The following MFN1 variants were observed in gnomAD, a reference collection of about 807,000 sequenced individuals.
MFN1 encodes the protein mitofusin 1, also known as mitofusin-1.
In MFN1, 65 loss-of-function variants were observed where a neutral mutation model predicts 92.4. The observed-to-expected ratio is 0.70, with a 90% CI of 0.58 to 0.86. The LOEUF is 0.86. Ranked by LOEUF, MFN1 falls within the 40% of genes least tolerant of loss-of-function variation. The probability of loss-of-function intolerance (pLI) is 0.00; values close to 1 mark genes in which losing one functional copy is unlikely to be tolerated. For missense variants in MFN1, 781 were observed against 868.0 expected, an observed-to-expected ratio of 0.90 and a Z score of 1.26; for synonymous variants, 297 against 300.9, an observed-to-expected ratio of 0.99 and a Z score of 0.13.
chr3:179,392,901 T>C lies in MFN1; in HGVS notation c.*842T>C, dbSNP rs1018784285. On this transcript the variant is annotated 3_prime_UTR_variant, in exon 18 of 18. Transcript: ENST00000471841. ...TGGATTATACCCCATTGGAGGCTTT[T>C]AATTTTATTTGTATGAATTTTCCAG... 6.6e-6 allele frequency: 1 copy of C among 152,106 alleles called. No individual in the cohort carries two copies. The highest frequency in any genetic ancestry group is 2.4e-5 in the African/African-American group (1 of 41,334). 9.4% of individuals were successfully genotyped at this position (152,106 alleles called of 1,614,324 possible). A position where few individuals can be genotyped will look rare whatever the true frequency, so the allele number is the denominator to read the frequency against.
At chr3:179,377,596 T>G (rs1333667121) in intron 12 of MFN1, 148 bp downstream of exon 12, 3 of 519,832 alleles carry the variant, frequency 5.8e-6, no homozygotes, top group Non-Finnish European at 1.0e-5. Context: ...GTAAACTGTC[T>G]TGTATAAAAA....
In MFN1 at chr3:179,365,327, T is replaced by C. The variant is rs907031627; in HGVS notation, c.753+102T>C. The C allele has an allele frequency of 1.0e-5, 7 of 669,842 alleles. No homozygotes were observed. The African/African-American group carries it at 1.3e-4, about 13-fold the overall frequency. The allele number at this position is 669,842 out of a possible 1,614,324, so 41.5% of individuals were successfully genotyped here. A position where few individuals can be genotyped will look rare whatever the true frequency, so the allele number is the denominator to read the frequency against. On this transcript the variant is annotated intron_variant, in intron 7 of 17. Coordinates refer to ENST00000471841, the MANE Select transcript of MFN1 (RefSeq NM_033540.3). ...ATAGAATAGAAAATTATAAGAGCTA[T>C]TCCATGAAAAGAAGATAGTTAGAGA... is the stretch of plus-strand genomic sequence containing the variant.
intron 9 of MFN1, among the ~76,000 whole-genome samples, chr3:179,369,398 A>T (rs1164282374): frequency 1.3e-5 from 2 of 152,004 alleles, no homozygotes; most frequent in African/African-American, 2.4e-5. Context: ...GATCTATTCT[A>T]CTTCCTTGTC....
At chr3:179,356,732 C>G (rs1471181630) in intron 3 of MFN1, among the ~76,000 whole-genome samples, 1 of 151,876 alleles carries the variant, frequency 6.6e-6, no homozygotes, top group Non-Finnish European at 1.5e-5. Flanking sequence ...AGTCTTGATT[C>G]TTTAGGTTCA....
intron 2 of MFN1, 140 bp downstream of exon 2, chr3:179,349,103 T>G (rs1337783862): frequency 3.6e-6 from 2 of 555,754 alleles, no homozygotes; most frequent in Non-Finnish European, 5.8e-6. Flanking sequence ...TAAAACCCCT[T>G]TCTAACCTCC....
intron 3 of MFN1, among the ~76,000 whole-genome samples, chr3:179,357,305 T>C (rs540987916): frequency 2.6e-5 from 4 of 152,334 alleles, no homozygotes; most frequent in African/African-American, 9.6e-5. Flanking sequence ...GCCATATTTC[T>C]GTCCAGACCC....
chr3:179,349,275 CA>C (rs1166073807), intron 2 of MFN1, among the ~76,000 whole-genome samples: 1 of 152,052 alleles, frequency 6.6e-6, no homozygotes, highest in East Asian at 1.9e-4. Flanking sequence ...GAGACGAAGT[CA>C]AAGAAAAGTT....
chr3:179,348,995 C>T (rs142968796), intron 2 of MFN1, 32 bp downstream of exon 2: 21,952 of 1,539,162 alleles, frequency 0.014, 716 homozygotes, highest in South Asian at 0.11. Context: ...AAAGTAATTA[C>T]TGTTGAAAAT....
At chr3:179,355,343 G>T (rs940061769) in intron 3 of MFN1, among the ~76,000 whole-genome samples, 1 of 152,070 alleles carries the variant, frequency 6.6e-6, no homozygotes, top group African/African-American at 2.4e-5. Flanking sequence ...CATCTCCTGG[G>T]AATGCAGCCC....
chr3:179,372,889 TAA>T (rs1713080998), intron 9 of MFN1, among the ~76,000 whole-genome samples: 1 of 152,234 alleles, frequency 6.6e-6, no homozygotes, highest in South Asian at 2.1e-4. Context: ...TTATTTAAAA[TAA>T]AGTCAATGCA....
intron 3 of MFN1, among the ~76,000 whole-genome samples, chr3:179,358,414 A>G (rs1177281463): frequency 6.6e-6 from 1 of 152,136 alleles, no homozygotes; most frequent in East Asian, 1.9e-4. Flanking sequence ...TGGCTTCCCA[A>G]AGTGCTGGGA....
At chr3:179,376,885 A>G (rs537262154) in intron 10 of MFN1, 157 bp from the exon 11 acceptor site, 3 of 602,102 alleles carry the variant, frequency 5.0e-6, no homozygotes, top group East Asian at 3.1e-5. Flanking sequence ...AAAATACTTT[A>G]TAAGTGAAAT....
Position 179,386,544 on chromosome 3 carries a change from A to C in MFN1, c.1927A>C (p.Lys643Gln), listed in dbSNP as rs1489837597. 2 of 1,614,036 alleles carry C rather than the reference A, an allele frequency of 1.2e-6. No homozygotes were observed. Among genetic ancestry groups the C allele is most frequent in the Non-Finnish European group, 1.7e-6 (2 of 1,180,008 alleles). ...CACCCATGCCAAGGAGCGAGCCTTT[A>C]AACAGCAGTTTGTAAACTATGCAAC... ...WTTHAKERAF[K>Q]QQFVNYATEK... Residue 643 changes from lysine (K) to glutamine (Q), a missense_variant, in exon 16 of 18, where the codon AAA becomes CAA. Coordinates refer to ENST00000471841, the MANE Select transcript of MFN1 (RefSeq NM_033540.3).
chr3:179,359,300 TA>T (rs1462173975), intron 4 of MFN1, among the ~76,000 whole-genome samples: 2 of 151,250 alleles, frequency 1.3e-5, no homozygotes, highest in Non-Finnish European at 3.0e-5. Context: ...TTTGTATTTT[TA>T]GTAGAGATGG....
At chr3:179,368,491 G>T (rs921264826) in intron 9 of MFN1, among the ~76,000 whole-genome samples, 1 of 152,098 alleles carries the variant, frequency 6.6e-6, no homozygotes, top group Non-Finnish European at 1.5e-5. Context: ...ACTTTGTGCC[G>T]CATGACTAAT....
chr3:179,390,167 G>T lies in MFN1; in HGVS notation c.2147+29G>T. ...TTTAAACCTTTCTTCTCAATAATTT[G>T]AACATTTACTGGTCTCATTACAAAA... On this transcript the variant is annotated intron_variant, in intron 17 of 17. Coordinates refer to ENST00000471841, the MANE Select transcript of MFN1 (RefSeq NM_033540.3). The T allele has an allele frequency of 2.0e-6, 3 of 1,488,962 alleles. No homozygotes were observed. The South Asian group carries it at 4.2e-5, about 21-fold the overall frequency. The allele number at this position is 1,488,962 out of a possible 1,614,324, so 92.2% of individuals were successfully genotyped here.
chr3:179,372,479 T>C (rs142657362), intron 9 of MFN1, among the ~76,000 whole-genome samples: 34 of 152,264 alleles, frequency 2.2e-4, no homozygotes, highest in Admixed American at 5.9e-4. Context: ...GTAAGGATGC[T>C]GAGAAATAAC....
Position 179,377,259 on chromosome 3 carries a change from T to C in MFN1, c.1225-85T>C, listed in dbSNP as rs1202706434. Reference sequence around the variant, plus strand: ...TGTTATTCCTGTTACTTTAAAAGAATGTTTTCAGATTTTTCAATTTAATTT... The same window carrying C: ...TGTTATTCCTGTTACTTTAAAAGAACGTTTTCAGATTTTTCAATTTAATTT... On this transcript the variant is annotated intron_variant, in intron 11 of 17. Transcript: ENST00000471841. 7 of 1,523,980 alleles carry C rather than the reference T, an allele frequency of 4.6e-6. No homozygotes were observed. In the Admixed American group the frequency reaches 1.4e-4, roughly 31 times the overall value. 94.4% of individuals were successfully genotyped at this position (1,523,980 alleles called of 1,614,324 possible). A position where few individuals can be genotyped will look rare whatever the true frequency, so the allele number is the denominator to read the frequency against.
rs1327051723 is a variant in MFN1, at chr3:179,394,889, T to C, written c.*2830T>C. The C allele has an allele frequency of 6.6e-6, 1 of 152,256 alleles. No homozygotes were observed. The highest frequency in any genetic ancestry group is 1.5e-5 in the Non-Finnish European group (1 of 68,046). 9.4% of individuals were successfully genotyped at this position (152,256 alleles called of 1,614,324 possible). A position where few individuals can be genotyped will look rare whatever the true frequency, so the allele number is the denominator to read the frequency against. Reference sequence around the variant, plus strand: ...TCTTTTTACAAAAATTTTTTTTCAGTATGCAAGCTTGCAAGATGAAAATAA... The same window carrying C: ...TCTTTTTACAAAAATTTTTTTTCAGCATGCAAGCTTGCAAGATGAAAATAA... On this transcript the variant is annotated 3_prime_UTR_variant, in exon 18 of 18. Coordinates refer to ENST00000471841, the MANE Select transcript of MFN1 (RefSeq NM_033540.3).
Sources: gnomAD v4.1 joint callset for allele counts (sites outside exome capture counted in the v4.1 genomes callset) on GRCh38, gnomAD v4.1.1 for gene constraint, MANE v1.5 for transcripts, NCBI Gene and HGNC (gene_info 2026-07-23, HGNC 2026-07-21) for gene names.